SPTAN1: variants seen among roughly 807,000 people sequenced by gnomAD.
The protein encoded by SPTAN1 is spectrin alpha chain, non-erythrocytic 1.
In SPTAN1, 61 loss-of-function variants were observed where a neutral mutation model predicts 331.3. The ratio of observed to expected loss-of-function variants is 0.18; its 90% CI spans 0.15 to 0.23. The LOEUF (loss-of-function observed/expected upper bound fraction) is 0.23. Among genes scored for constraint, SPTAN1 ranks in the 10% least tolerant of loss-of-function variants. The pLI, the probability that SPTAN1 is intolerant of heterozygous loss-of-function variation, is 1.00. For synonymous variants in SPTAN1, 1,153 were observed against 1,173.9 expected (o/e 0.98, Z 0.36); for missense variants, 2,043 against 3,147.9 (o/e 0.65, Z 8.40).
intron 1 of SPTAN1, among the ~76,000 whole-genome samples, chr9:128,561,595 G>A (rs1849354714): frequency 1.5e-5 from 2 of 135,060 alleles, no homozygotes; most frequent in South Asian, 2.4e-4. Context: ...CCGGGGAGGC[G>A]GAGCTTGCAG....
chr9:128,555,441 T>G (rs1176327601), intron 1 of SPTAN1: 17 of 1,284,484 alleles, frequency 1.3e-5, no homozygotes, highest in Non-Finnish European at 1.6e-5. Context: ...CTTTTTGGTT[T>G]TGCCTGGCTT....
intron 20 of SPTAN1, among the ~76,000 whole-genome samples, chr9:128,588,370 G>C (rs972556282): frequency 1.6e-5 from 2 of 122,522 alleles, no homozygotes; most frequent in African/African-American, 6.4e-5. Context: ...GAAGTGCATT[G>C]GCCTGATCTT....
chr9:128,585,015 C>CTTT (rs11382658), intron 18 of SPTAN1, among the ~76,000 whole-genome samples, 172 bp downstream of exon 18: 3 of 133,126 alleles, frequency 2.3e-5, no homozygotes, highest in African/African-American at 5.8e-5. Flanking sequence ...GCCTGAATTT[C>CTTT]TTTTTTTTTT....
Position 128,625,661 on chromosome 9 carries a change from C to A in SPTAN1, c.6070-108C>A. 9.9e-7 allele frequency: 1 copy of A among 1,005,592 alleles called. No individual in the cohort carries two copies. Among genetic ancestry groups the A allele is most frequent in the African/African-American group, 1.6e-5 (1 of 63,672 alleles). The allele number at this position is 1,005,592 out of a possible 1,614,324, so 62.3% of individuals were successfully genotyped here. A position where few individuals can be genotyped will look rare whatever the true frequency, so the allele number is the denominator to read the frequency against. ...TGAGTCTCAGCAGTGTCCAGGTGGA[C>A]AGTTTGGCTTGGGCATCTGGGGGAC... On this transcript the variant is annotated intron_variant, in intron 47 of 56. Transcript: ENST00000372739. This position sits in a 1 kb window ranked among gnomAD's most constrained non-coding sequence, Gnocchi z 4.1.
chr9:128,586,433 C>A (rs762274238), intron 19 of SPTAN1, among the ~76,000 whole-genome samples: 1 of 152,076 alleles, frequency 6.6e-6, no homozygotes, highest in Non-Finnish European at 1.5e-5. Context: ...CCTTCTGGCC[C>A]ATTTTTCACT....
intron 52 of SPTAN1, chr9:128,631,798 C>A (rs917760977): frequency 5.8e-6 from 2 of 343,958 alleles, no homozygotes; most frequent in Non-Finnish European, 1.1e-5. Flanking sequence ...CTAGCCTAGG[C>A]GACAGTGAGA....
chr9:128,571,445 C>T (rs1850720564), intron 3 of SPTAN1, among the ~76,000 whole-genome samples: 1 of 151,946 alleles, frequency 6.6e-6, no homozygotes, highest in Non-Finnish European at 1.5e-5. Flanking sequence ...ATTAGCCAAG[C>T]GTGGTGTTGC....
intron 27 of SPTAN1, among the ~76,000 whole-genome samples, chr9:128,600,810 G>A (rs1439322034): frequency 6.6e-6 from 1 of 151,576 alleles, no homozygotes. Context: ...CTACAGGCAT[G>A]TGCCACCATG....
intron 12 of SPTAN1, among the ~76,000 whole-genome samples, chr9:128,582,100 A>G (rs12002906): frequency 2.0e-5 from 3 of 152,224 alleles, no homozygotes; most frequent in Non-Finnish European, 2.9e-5. Flanking sequence ...GAAACCTCCA[A>G]ACTTCTTTAA....
rs562226126 is a variant in SPTAN1, at chr9:128,580,463, A to G, written c.1324-459A>G. Reference sequence around the variant, plus strand: ...TGATTTATATGTTTTTTAGTATTACATAGAGTAAAGACATTTCAAAGACTT... The same window carrying G: ...TGATTTATATGTTTTTTAGTATTACGTAGAGTAAAGACATTTCAAAGACTT... On this transcript the variant is annotated intron_variant, in intron 10 of 56. Coordinates refer to ENST00000372739, the MANE Select transcript of SPTAN1 (RefSeq NM_001130438.3). 5.9e-5 allele frequency among the ~76,000 whole-genome samples: 9 copies of G among 152,148 alleles called. No individual in the cohort carries two copies. In the East Asian group the frequency reaches 1.4e-3, roughly 23 times the overall value.
chr9:128,555,933 G>C (rs1246034682), intron 1 of SPTAN1, among the ~76,000 whole-genome samples: 1 of 151,940 alleles, frequency 6.6e-6, no homozygotes, highest in Non-Finnish European at 1.5e-5. Context: ...TTAAAAAATA[G>C]CTCTCGGGCT....
Position 128,627,119 on chromosome 9 carries a change from T to C in SPTAN1, c.6577-267T>C. On this transcript the variant is annotated intron_variant, in intron 49 of 56. Transcript: ENST00000372739. This position sits in a 1 kb window ranked among gnomAD's most constrained non-coding sequence, Gnocchi z 4.9. The stretch of plus-strand genomic sequence containing the variant: ...TGAGCCACTGTACCCAGCCAGAAGT[T>C]TCCATTTCTGACAGTCCAGCAACTC... The C allele has an allele frequency of 3.4e-6, 2 of 593,558 alleles. No individual in the cohort carries two copies. The allele number at this position is 593,558 out of a possible 1,614,324, so 36.8% of individuals were successfully genotyped here.
At chr9:128,567,825 A>G (rs1458869442) in intron 2 of SPTAN1, among the ~76,000 whole-genome samples, 6 of 151,804 alleles carry the variant, frequency 4.0e-5, no homozygotes, top group African/African-American at 1.5e-4. Flanking sequence ...CAATGGTGCA[A>G]TCTCAGCTCA....
intron 19 of SPTAN1, 104 bp from the exon 20 acceptor site, chr9:128,587,502 G>A: frequency 1.1e-6 from 1 of 872,606 alleles, no homozygotes; most frequent in Non-Finnish European, 2.0e-6. Flanking sequence ...ACGTCATTGT[G>A]CAACTGAGAA....
intron 1 of SPTAN1, among the ~76,000 whole-genome samples, chr9:128,561,027 A>AAG (rs1218323285): frequency 1.3e-5 from 2 of 149,286 alleles, no homozygotes; most frequent in East Asian, 4.0e-4. Flanking sequence ...AAAAAAAAAA[A>AAG]AAAAAAAAGA....
rs746658912 is a variant in SPTAN1, at chr9:128,609,115, C to G, written c.4596-7C>G. 2 of 1,614,210 alleles carry G rather than the reference C, an allele frequency of 1.2e-6. No individual in the cohort carries two copies. The highest frequency in any genetic ancestry group is 2.2e-5 in the South Asian group (2 of 91,080). On this transcript the variant is annotated splice_polypyrimidine_tract_variant and splice_region_variant and intron_variant, in intron 35 of 56. Coordinates refer to ENST00000372739, the MANE Select transcript of SPTAN1 (RefSeq NM_001130438.3). ...TCATGTTGGATCTCATGGTTTCACT[C>G]TTTCAGGTGGCGACGTCTGAAAGCC... is the stretch of plus-strand genomic sequence containing the variant.
chr9:128,610,758 C>G (rs566132111), intron 37 of SPTAN1, among the ~76,000 whole-genome samples: 4 of 152,272 alleles, frequency 2.6e-5, no homozygotes, highest in Non-Finnish European at 5.9e-5. Context: ...TCTCCTAGCC[C>G]TTTCATTTCC....
At position 128,557,802 on chromosome 9, in the gene SPTAN1, T is replaced by C. The variant is rs75433116; in HGVS notation, c.-4+5106T>C. On this transcript the variant is annotated intron_variant, in intron 1 of 56. Coordinates refer to ENST00000372739, the MANE Select transcript of SPTAN1 (RefSeq NM_001130438.3). ...CTTTGGATTAAATTAGAAATTTCTT[T>C]TTTTTTTTTTTTTTTTTTTGAGACG... Among the ~76,000 whole-genome samples the C allele has an allele frequency of 3.6e-3, 79 of 21,842 alleles. 2 individuals are homozygous for C. Among genetic ancestry groups the C allele is most frequent in the African/African-American group, 5.0e-3 (76 of 15,182 alleles). The allele number at this position is 21,842 out of a possible 152,430, so 14.3% of individuals were successfully genotyped here.
rs376897533 is a variant in SPTAN1 at position 128,582,737 on chromosome 9, G to A, written c.1694G>A (p.Arg565His). The change falls in exon 14 of 57, where the codon CGC (arginine) becomes CAC (histidine). Residue 565 changes from arginine to histidine, a missense_variant. Coordinates refer to ENST00000372739, the MANE Select transcript of SPTAN1 (RefSeq NM_001130438.3). ...RNALHERAMR[R>H]RAQLADSFHL... is the part of the protein sequence containing the mutation. The stretch of plus-strand genomic sequence containing the variant: ...GCCCTTCACGAGAGAGCCATGCGTC[G>A]CCGGGCCCAGCTAGCCGATTCTTTC... 4.3e-6 allele frequency: 7 copies of A among 1,613,798 alleles called. No individual in the cohort carries two copies. The highest frequency in any genetic ancestry group is 2.2e-5 in the East Asian group (1 of 44,886).
Sources: allele counts gnomAD v4.1 joint callset (sites outside exome capture counted in the v4.1 genomes callset), GRCh38; gene constraint gnomAD v4.1.1; non-coding constraint Gnocchi (gnomAD v3.1); transcripts MANE v1.5; gene names NCBI Gene and HGNC (gene_info 2026-07-23, HGNC 2026-07-21).